Variants in NLGN1 observed in about 807,000 individuals in gnomAD.
NLGN1 encodes neuroligin 1.
In NLGN1, 12 loss-of-function variants were observed where a neutral mutation model predicts 65.5. That is an observed-to-expected ratio of 0.18 (90% CI 0.12 to 0.30). The LOEUF (loss-of-function observed/expected upper bound fraction) is 0.30. NLGN1 is among the 10% of genes least tolerant of loss of function. NLGN1 has a pLI of 1.00. For synonymous variants in NLGN1, 350 were observed against 359.5 expected, an observed-to-expected ratio of 0.97 and a Z score of 0.30; for missense variants, 750 against 1,007.1, an observed-to-expected ratio of 0.74 and a Z score of 3.46.
intron 2 of NLGN1, among the ~76,000 whole-genome samples, chr3:173,545,622 T>A (rs1431689931): frequency 6.6e-6 from 1 of 152,166 alleles, no homozygotes; most frequent in Admixed American, 6.5e-5. Flanking sequence ...TAAATCATTC[T>A]AATATAAAGA....
intron 2 of NLGN1, among the ~76,000 whole-genome samples, chr3:173,595,432 A>G (rs1173832130): frequency 1.3e-5 from 2 of 152,094 alleles, no homozygotes; most frequent in Non-Finnish European, 2.9e-5. Flanking sequence ...ATCTGAGACC[A>G]CCTCAGCCTA....
intron 2 of NLGN1, among the ~76,000 whole-genome samples, chr3:173,528,089 G>A (rs1311624338): frequency 1.3e-5 from 2 of 152,150 alleles, no homozygotes; most frequent in Admixed American, 1.3e-4. Flanking sequence ...ATGACGATGA[G>A]TATTGTCCTT....
intron 4 of NLGN1, among the ~76,000 whole-genome samples, chr3:174,088,470 A>G (rs1320220679): frequency 2.0e-5 from 3 of 152,112 alleles, no homozygotes; most frequent in Non-Finnish European, 4.4e-5. Context: ...AAACTAAATT[A>G]TTTTGGCTGG....
At chr3:173,542,060 G>T (rs2149233512) in intron 2 of NLGN1, among the ~76,000 whole-genome samples, 1 of 151,792 alleles carries the variant, frequency 6.6e-6, no homozygotes, top group East Asian at 1.9e-4. Context: ...GAGTTACTGG[G>T]ACCTCTCTGT....
chr3:173,581,464 G>C (rs1746384843), intron 2 of NLGN1, among the ~76,000 whole-genome samples: 1 of 151,980 alleles, frequency 6.6e-6, no homozygotes, highest in African/African-American at 2.4e-5. Flanking sequence ...TCAATCAGTT[G>C]ATTGACTGTT....
At chr3:174,092,520 A>T (rs1306641350) in intron 4 of NLGN1, among the ~76,000 whole-genome samples, 1 of 124,742 alleles carries the variant, frequency 8.0e-6, no homozygotes, top group Non-Finnish European at 1.7e-5. Context: ...GGCAATTATT[A>T]AAAAAAAAAA....
At chr3:173,694,783 G>A (rs562281489) in intron 3 of NLGN1, among the ~76,000 whole-genome samples, 14 of 152,224 alleles carry the variant, frequency 9.2e-5, no homozygotes, top group African/African-American at 3.1e-4. Context: ...GTGCAATTTT[G>A]TGTTGCCTTT....
At chr3:173,637,838 A>G (rs1756829026) in intron 3 of NLGN1, among the ~76,000 whole-genome samples, 1 of 152,144 alleles carries the variant, frequency 6.6e-6, no homozygotes, top group Non-Finnish European at 1.5e-5. Context: ...ATAGGATATA[A>G]ACTTCAATTA....
At chr3:173,409,510 A>G (rs1226050935) in intron 1 of NLGN1, among the ~76,000 whole-genome samples, 2 of 152,066 alleles carry the variant, frequency 1.3e-5, no homozygotes, top group African/African-American at 2.4e-5. Context: ...CTATCAGTCC[A>G]TATATTTTTT....
At chr3:174,222,206 A>G (rs1237606267) in intron 4 of NLGN1, among the ~76,000 whole-genome samples, 1 of 152,164 alleles carries the variant, frequency 6.6e-6, no homozygotes, top group Non-Finnish European at 1.5e-5. Context: ...ACTATACACA[A>G]TCATGCGGTC....
At chr3:174,240,440 T>C (rs1188077794) in intron 4 of NLGN1, among the ~76,000 whole-genome samples, 3 of 152,084 alleles carry the variant, frequency 2.0e-5, no homozygotes, top group African/African-American at 4.8e-5. Flanking sequence ...GTCCTCCTTA[T>C]AATAAGCAAG....
At chr3:173,868,051 AC>A (rs1241626276) in intron 4 of NLGN1, among the ~76,000 whole-genome samples, 2 of 152,196 alleles carry the variant, frequency 1.3e-5, no homozygotes, top group Admixed American at 6.5e-5. Flanking sequence ...CAAACCTGTA[AC>A]TTTTAAATAT....
At chr3:173,729,298 T>G (rs1348235530) in intron 3 of NLGN1, among the ~76,000 whole-genome samples, 3 of 152,110 alleles carry the variant, frequency 2.0e-5, no homozygotes, top group Non-Finnish European at 4.4e-5. Context: ...GAGTTCAGAT[T>G]CATCAATGGA....
intron 3 of NLGN1, among the ~76,000 whole-genome samples, chr3:173,622,416 A>G (rs1365721760): frequency 3.3e-5 from 5 of 152,070 alleles, no homozygotes; most frequent in African/African-American, 1.2e-4. Context: ...AAAACCACAT[A>G]AACCTCAGAG....
At chr3:174,124,519 A>G (rs1158451480) in intron 4 of NLGN1, among the ~76,000 whole-genome samples, 2 of 148,332 alleles carry the variant, frequency 1.3e-5, no homozygotes, top group East Asian at 3.9e-4. Flanking sequence ...AAGTATATAT[A>G]CATATGTACT....
intron 4 of NLGN1, among the ~76,000 whole-genome samples, chr3:174,170,819 A>C (rs991101552): frequency 3.9e-5 from 6 of 152,322 alleles, no homozygotes; most frequent in Admixed American, 3.9e-4. Context: ...TAATATGTGC[A>C]TTTTAGTTCT....
chr3:173,511,594 A>G (rs1364550399), intron 2 of NLGN1, among the ~76,000 whole-genome samples: 1 of 152,150 alleles, frequency 6.6e-6, no homozygotes, highest in Non-Finnish European at 1.5e-5. Flanking sequence ...TGGTGTTCCC[A>G]TCACATGCTT....
chr3:173,860,959 T>A (rs1728945925), intron 4 of NLGN1, among the ~76,000 whole-genome samples: 1 of 152,186 alleles, frequency 6.6e-6, no homozygotes, highest in South Asian at 2.1e-4. Flanking sequence ...TCATGCCAAT[T>A]GCCTATACTA....
intron 3 of NLGN1, among the ~76,000 whole-genome samples, chr3:173,753,646 T>C (rs903010256): frequency 8.5e-5 from 13 of 152,104 alleles, no homozygotes; most frequent in African/African-American, 3.1e-4. Context: ...CCAGAGTGAT[T>C]ATATTCAAAC....
Sources: allele counts gnomAD v4.1 joint callset (sites outside exome capture counted in the v4.1 genomes callset), GRCh38; gene constraint gnomAD v4.1.1; transcripts MANE v1.5; gene names NCBI Gene and HGNC (gene_info 2026-07-23, HGNC 2026-07-21).